Variants in ANGPT1 observed in about 807,000 individuals in gnomAD.
ANGPT1 encodes angiopoietin-1.
A neutral mutation model predicts 62.2 loss-of-function variants in ANGPT1; 17 were observed. The ratio of observed to expected loss-of-function variants is 0.27; its 90% confidence interval spans 0.19 to 0.41. The LOEUF (loss-of-function observed/expected upper bound fraction) is 0.41. ANGPT1 is among the 10% of genes least tolerant of loss of function. The pLI is 1.00. For missense variants in ANGPT1, 478 were observed against 594.9 expected, an observed-to-expected ratio of 0.80 and a Z score of 2.04; for synonymous variants, 199 against 198.9, an observed-to-expected ratio of 1.00 and a Z score of 0.00.
intron 5 of ANGPT1, 147 bp downstream of exon 5, chr8:107,303,093 C>A (rs1814631689): frequency 1.1e-6 from 1 of 875,346 alleles, no homozygotes; most frequent in South Asian, 1.6e-5. Context: ...CCTTTATGGA[C>A]CTGGGAAACA....
chr8:107,494,677 GC>G (rs1813047165), intron 1 of ANGPT1: 2 of 152,116 alleles, frequency 1.3e-5, no homozygotes, highest in African/African-American at 4.8e-5. Flanking sequence ...CAAATCATTT[GC>G]CCCCTTGCAT....
chr8:107,350,789 C>A (rs1193831084), intron 1 of ANGPT1, among the ~76,000 whole-genome samples: 2 of 151,970 alleles, frequency 1.3e-5, no homozygotes, highest in African/African-American at 4.8e-5. Context: ...TAGCAAGAAC[C>A]AGATGTAGTT....
intron 3 of ANGPT1, among the ~76,000 whole-genome samples, chr8:107,326,635 C>G (rs1815295438): frequency 6.6e-6 from 1 of 152,072 alleles, no homozygotes; most frequent in Non-Finnish European, 1.5e-5. Flanking sequence ...GGTTTCAATG[C>G]AAACCTCACT....
At chr8:107,467,703 T>C (rs578144058) in intron 1 of ANGPT1, among the ~76,000 whole-genome samples, 1 of 152,034 alleles carries the variant, frequency 6.6e-6, no homozygotes, top group African/African-American at 2.4e-5. Context: ...AAGGTAAAAT[T>C]GACCACACAA....
chr8:107,357,967 G>C (rs1816082784), intron 1 of ANGPT1, among the ~76,000 whole-genome samples: 2 of 151,972 alleles, frequency 1.3e-5, no homozygotes, highest in Non-Finnish European at 2.9e-5. Context: ...ATCTTTTCTT[G>C]CTTACAATGA....
intron 4 of ANGPT1, 23 bp downstream of exon 4, chr8:107,321,873 C>T: frequency 6.3e-7 from 1 of 1,594,928 alleles, no homozygotes; most frequent in Non-Finnish European, 8.6e-7. Context: ...TTAACAATAC[C>T]AAAGTGAGGA....
chr8:107,269,411 T>C (rs1813688641), intron 7 of ANGPT1, among the ~76,000 whole-genome samples: 1 of 152,088 alleles, frequency 6.6e-6, no homozygotes, highest in African/African-American at 2.4e-5. Flanking sequence ...TATGTGTAAT[T>C]AACTATCATC....
At chr8:107,425,480 A>T (rs1175642670) in intron 1 of ANGPT1, among the ~76,000 whole-genome samples, 1 of 152,158 alleles carries the variant, frequency 6.6e-6, no homozygotes, top group South Asian at 2.1e-4. Flanking sequence ...AATTCAATTC[A>T]AAATAGAGGT....
chr8:107,280,245 G>A (rs771084267), intron 7 of ANGPT1, among the ~76,000 whole-genome samples: 1 of 150,994 alleles, frequency 6.6e-6, no homozygotes, highest in Non-Finnish European at 1.5e-5. Flanking sequence ...TTGTCGCCCT[G>A]ACTGGAGTGT....
chr8:107,422,254 A>G (rs1342827073), intron 1 of ANGPT1, among the ~76,000 whole-genome samples: 1 of 152,186 alleles, frequency 6.6e-6, no homozygotes, highest in African/African-American at 2.4e-5. Flanking sequence ...CTGATTCCCC[A>G]TTTAAACTTG....
At chr8:107,295,660 A>T (rs1814395355) in intron 5 of ANGPT1, 1 of 152,150 alleles carries the variant, frequency 6.6e-6, no homozygotes, top group Admixed American at 6.6e-5. Context: ...AAAGAAAATG[A>T]TCATAGTTTT....
intron 5 of ANGPT1, 67 bp downstream of exon 5, chr8:107,303,173 A>G (rs776516953): frequency 8.9e-5 from 138 of 1,557,030 alleles, no homozygotes; most frequent in Middle Eastern, 1.7e-4. Context: ...TCACAAATCA[A>G]TCTGATTATC....
intron 4 of ANGPT1, among the ~76,000 whole-genome samples, chr8:107,306,687 T>G (rs942993918): frequency 6.6e-6 from 1 of 151,978 alleles, no homozygotes; most frequent in African/African-American, 2.4e-5. Flanking sequence ...GTCTTGAGCT[T>G]CAGTTAGATA....
intron 1 of ANGPT1, among the ~76,000 whole-genome samples, chr8:107,474,547 C>T (rs891232193): frequency 1.3e-5 from 2 of 152,192 alleles, no homozygotes; most frequent in Admixed American, 1.3e-4. Flanking sequence ...ACCTCTCTCA[C>T]CACTCCTATC....
chr8:107,367,446 C>T (rs1174434683), intron 1 of ANGPT1, among the ~76,000 whole-genome samples: 3 of 152,054 alleles, frequency 2.0e-5, no homozygotes, highest in African/African-American at 7.2e-5. Context: ...GTGATGATTG[C>T]TAAAGGTTGG....
intron 8 of ANGPT1, among the ~76,000 whole-genome samples, chr8:107,253,648 T>C (rs1163735674): frequency 6.6e-6 from 1 of 152,166 alleles, no homozygotes; most frequent in Non-Finnish European, 1.5e-5. Context: ...CTCTTCCAAG[T>C]TGCATTGGGG....
At chr8:107,347,177 A>C in intron 1 of ANGPT1, 80 bp from the exon 2 acceptor site, 1 of 1,404,766 alleles carries the variant, frequency 7.1e-7, no homozygotes, top group Non-Finnish European at 9.7e-7. Flanking sequence ...ACAATAACAA[A>C]ACAAGACACC....
intron 1 of ANGPT1, among the ~76,000 whole-genome samples, chr8:107,420,465 A>T (rs1281572857): frequency 6.6e-6 from 1 of 152,188 alleles, no homozygotes; most frequent in East Asian, 1.9e-4. Context: ...GATTGTGTGT[A>T]TCGAAGGCAA....
chr8:107,420,702 T>C (rs1162152924), intron 1 of ANGPT1, among the ~76,000 whole-genome samples: 1 of 152,164 alleles, frequency 6.6e-6, no homozygotes, highest in East Asian at 1.9e-4. Context: ...TCAGCATTCA[T>C]ATATGGTCCA....
Sources: allele counts gnomAD v4.1 joint callset (sites outside exome capture counted in the v4.1 genomes callset), GRCh38; gene constraint gnomAD v4.1.1; transcripts MANE v1.5; gene names NCBI Gene and HGNC (gene_info 2026-07-23, HGNC 2026-07-21).